The following PHACTR4 variants were observed in gnomAD, a reference collection of about 807,000 sequenced individuals.
The protein encoded by PHACTR4 is phosphatase and actin regulator 4.
A neutral mutation model predicts 72.7 loss-of-function variants in PHACTR4; 51 were observed. That is an observed-to-expected ratio of 0.70 (90% confidence interval 0.56 to 0.89). The LOEUF is 0.89. Ranked by LOEUF, PHACTR4 falls within the 40% of genes least tolerant of loss-of-function variation. PHACTR4 has a pLI of 0.00. For missense variants in PHACTR4, 731 were observed against 861.8 expected, an observed-to-expected ratio of 0.85 and a Z score of 1.90; for synonymous variants, 255 against 302.5, an observed-to-expected ratio of 0.84 and a Z score of 1.63.
intron 2 of PHACTR4, chr1:28,438,499 G>A (rs1437078154): frequency 6.5e-7 from 1 of 1,543,594 alleles, no homozygotes; most frequent in Non-Finnish European, 8.9e-7. Context: ...GTGAACTTGA[G>A]TATTTATGTG....
chr1:28,374,331 C>T (rs1000149173), intron 1 of PHACTR4, among the ~76,000 whole-genome samples: 2 of 152,132 alleles, frequency 1.3e-5, no homozygotes, highest in African/African-American at 4.8e-5. Context: ...TTAGTCAGAC[C>T]ATCGGGACTC....
At chr1:28,380,258 G>A (rs1297799726) in intron 1 of PHACTR4, among the ~76,000 whole-genome samples, 1 of 150,646 alleles carries the variant, frequency 6.6e-6, no homozygotes, top group African/African-American at 2.5e-5. Flanking sequence ...GGGTTTCACT[G>A]TGTTAGCCAG....
intron 2 of PHACTR4, among the ~76,000 whole-genome samples, chr1:28,440,334 C>G (rs1468797754): frequency 2.2e-5 from 3 of 136,882 alleles, no homozygotes; most frequent in Non-Finnish European, 4.7e-5. Flanking sequence ...AAAAGTTCAT[C>G]TGAGTAACGT....
intron 2 of PHACTR4, among the ~76,000 whole-genome samples, chr1:28,431,022 CA>C (rs1557809028): frequency 6.7e-6 from 1 of 150,062 alleles, no homozygotes; most frequent in Admixed American, 6.6e-5. Flanking sequence ...CTAAAAAATA[CA>C]AAAAAATTAG....
intron 1 of PHACTR4, among the ~76,000 whole-genome samples, chr1:28,375,411 T>C (rs1198609253): frequency 2.0e-5 from 3 of 151,366 alleles, no homozygotes; most frequent in African/African-American, 7.3e-5. Flanking sequence ...GCCCAGTGGC[T>C]CATGCCTGTA....
intron 9 of PHACTR4, among the ~76,000 whole-genome samples, chr1:28,486,004 A>C (rs908403140): frequency 1.3e-5 from 2 of 152,060 alleles, no homozygotes; most frequent in Admixed American, 1.3e-4. Context: ...AATTTAAAAA[A>C]ACACACACAA....
intron 1 of PHACTR4, among the ~76,000 whole-genome samples, chr1:28,393,662 G>A (rs1011857101): frequency 9.9e-5 from 15 of 151,554 alleles, no homozygotes; most frequent in Non-Finnish European, 2.2e-4. Context: ...CTTTTTAATT[G>A]TTAGTGTGTA....
At chr1:28,383,474 A>G (rs919133625) in intron 1 of PHACTR4, among the ~76,000 whole-genome samples, 2 of 152,072 alleles carry the variant, frequency 1.3e-5, no homozygotes, top group South Asian at 2.1e-4. Flanking sequence ...GATTCTTCCT[A>G]TCCATAGGCA....
At chr1:28,445,306 C>T (rs1043610970) in intron 2 of PHACTR4, among the ~76,000 whole-genome samples, 3 of 152,110 alleles carry the variant, frequency 2.0e-5, no homozygotes, top group African/African-American at 7.2e-5. Flanking sequence ...CCAGGCTGGT[C>T]TTGAACTCCT....
chr1:28,496,521 T>A lies in PHACTR4; in HGVS notation c.2094-13T>A, dbSNP rs541684896. On this transcript the variant is annotated splice_polypyrimidine_tract_variant and intron_variant, in intron 13 of 13. Coordinates refer to ENST00000373839, the MANE Select transcript of PHACTR4 (RefSeq NM_001048183.3). ...ATCATGTGGTAACTTGTCTCTTTTTTAATCTCTTTTAGCTACCATCGTCCA... is the reference window on the plus strand; with the variant it reads ...ATCATGTGGTAACTTGTCTCTTTTTAAATCTCTTTTAGCTACCATCGTCCA... 41 of 1,613,650 alleles carry A rather than the reference T, an allele frequency of 2.5e-5. No individual in the cohort carries two copies. The highest frequency in any genetic ancestry group is 2.6e-5 in the Non-Finnish European group (31 of 1,179,730).
intron 2 of PHACTR4, among the ~76,000 whole-genome samples, chr1:28,456,477 C>G (rs1658394636): frequency 6.6e-6 from 1 of 152,164 alleles, no homozygotes; most frequent in African/African-American, 2.4e-5. Flanking sequence ...GGACACATAT[C>G]TAAACTATAT....
intron 4 of PHACTR4, among the ~76,000 whole-genome samples, chr1:28,463,751 G>A (rs745915373): frequency 6.6e-6 from 1 of 152,156 alleles, no homozygotes; most frequent in Non-Finnish European, 1.5e-5. Flanking sequence ...CATGAAGAAT[G>A]ATGTTGGATT....
At chr1:28,417,774 AAAAG>A (rs1400278719) in intron 2 of PHACTR4, among the ~76,000 whole-genome samples, 2 of 152,208 alleles carry the variant, frequency 1.3e-5, no homozygotes, top group Non-Finnish European at 2.9e-5. Context: ...ATAGCAGAGA[AAAAG>A]AAAGTATACC....
chr1:28,466,629 C>A lies in PHACTR4; in HGVS notation c.684C>A (p.Ser228=). 1 of 1,613,958 alleles carries A rather than the reference C, an allele frequency of 6.2e-7. No individual in the cohort carries two copies. The stretch of plus-strand genomic sequence containing the variant: ...CTGTTAATCTCTCTGTCACCCCTTC[C>A]CCAGCACCCAGGACTCTGCCTGCTG... ...AKTVNLSVTP[S]PAPRTLPAAP... The change falls in exon 6 of 14, where the codon TCC becomes TCA. Residue 228 remains serine (S), a synonymous_variant. Coordinates refer to ENST00000373839, the MANE Select transcript of PHACTR4 (RefSeq NM_001048183.3).
At chr1:28,373,903 C>T (rs1651445680) in intron 1 of PHACTR4, among the ~76,000 whole-genome samples, 1 of 152,158 alleles carries the variant, frequency 6.6e-6, no homozygotes, top group African/African-American at 2.4e-5. Context: ...GTAAACCATA[C>T]TTCAAATCTA....
chr1:28,483,798 C>CAAAAA (rs991081654), intron 9 of PHACTR4, among the ~76,000 whole-genome samples: 2 of 70,996 alleles, frequency 2.8e-5, no homozygotes, highest in African/African-American at 9.3e-5. Context: ...GACTCCGTCT[C>CAAAAA]AAAAAAAAAA....
intron 8 of PHACTR4, among the ~76,000 whole-genome samples, chr1:28,480,148 T>A (rs1570087829): frequency 6.6e-6 from 1 of 152,226 alleles, no homozygotes; most frequent in African/African-American, 2.4e-5. Context: ...TATGTTTTAA[T>A]TCAGAGGGCT....
At chr1:28,455,198 C>CTTTCTTTTTTTTTTTTTTTT (rs1250815977) in intron 2 of PHACTR4, among the ~76,000 whole-genome samples, 2 of 85,974 alleles carry the variant, frequency 2.3e-5, no homozygotes, top group African/African-American at 5.6e-5. Flanking sequence ...TTCTTTCTTT[C>CTTTCTTTTTTTTTTTTTTTT]TTTTTTTTTT....
intron 2 of PHACTR4, among the ~76,000 whole-genome samples, chr1:28,408,077 G>A (rs574826795): frequency 2.4e-4 from 37 of 152,326 alleles, no homozygotes; most frequent in African/African-American, 7.9e-4. Context: ...CTGAGATCGC[G>A]CCACTGCGCT....
Sources: gnomAD v4.1 joint callset for allele counts (sites outside exome capture counted in the v4.1 genomes callset) on GRCh38, gnomAD v4.1.1 for gene constraint, MANE v1.5 for transcripts, NCBI Gene and HGNC (gene_info 2026-07-23, HGNC 2026-07-21) for gene names.